The following PITPNM2 variants were observed in gnomAD, a reference collection of about 807,000 sequenced individuals.
PITPNM2 encodes the protein phosphatidylinositol transfer protein membrane associated 2.
Under a neutral mutation model 132.2 loss-of-function variants are expected in PITPNM2, and 35 were observed. The ratio of observed to expected loss-of-function variants is 0.26; its 90% CI spans 0.20 to 0.35. PITPNM2 has a LOEUF of 0.35. PITPNM2 is among the 10% of genes least tolerant of loss of function. The pLI is 1.00. For missense variants in PITPNM2, 1,332 were observed against 1,912.0 expected, an observed-to-expected ratio of 0.70 and a Z score of 5.66; for synonymous variants, 738 against 799.2, an observed-to-expected ratio of 0.92 and a Z score of 1.29.
intron 2 of PITPNM2, among the ~76,000 whole-genome samples, chr12:123,039,738 T>C (rs945072588): frequency 6.6e-6 from 1 of 152,188 alleles, no homozygotes; most frequent in African/African-American, 2.4e-5. Context: ...GCTCATTCAT[T>C]GTAACAAACA....
chr12:123,050,797 TC>T (rs1297009698), intron 2 of PITPNM2, among the ~76,000 whole-genome samples: 3 of 152,174 alleles, frequency 2.0e-5, no homozygotes, highest in African/African-American at 4.8e-5. Context: ...GCTATTAGCT[TC>T]CCTTCATCAT....
chr12:123,093,215 G>T (rs191734393), intron 2 of PITPNM2, among the ~76,000 whole-genome samples: 4 of 152,276 alleles, frequency 2.6e-5, no homozygotes, highest in African/African-American at 9.6e-5. Flanking sequence ...GGGGCTGGGG[G>T]TTTGGGGACA....
At chr12:123,081,105 G>A (rs12810157) in intron 2 of PITPNM2, 3,827 of 152,488 alleles carry the variant, frequency 0.025, 68 homozygotes, top group Middle Eastern at 0.061. Context: ...CCAGGCCCAG[G>A]CCTAGCTCCT....
rs536138040 is a variant in PITPNM2, at chr12:123,058,464, T to C, written c.-95-23779A>G. Among the ~76,000 whole-genome samples the C allele has an allele frequency of 4.6e-5, 7 of 152,354 alleles. No individual in the cohort carries two copies. The highest frequency in any genetic ancestry group is 2.1e-4 in the South Asian group (1 of 4,834). On this transcript the variant is annotated intron_variant, in intron 2 of 25. Coordinates refer to ENST00000320201, the MANE Select transcript of PITPNM2 (RefSeq NM_020845.3). This position sits in a 1 kb window ranked among gnomAD's most constrained non-coding sequence, Gnocchi z 4.0. Reference sequence around the variant, plus strand: ...AAACCATTAGAGGACATCTTCCCAATGCAGATGCAACCATGTTTGCCAGCT... The same window carrying C: ...AAACCATTAGAGGACATCTTCCCAACGCAGATGCAACCATGTTTGCCAGCT...
At chr12:123,014,121 C>T in intron 3 of PITPNM2, 79 bp from the exon 4 acceptor site, 1 of 1,494,880 alleles carries the variant, frequency 6.7e-7, no homozygotes, top group East Asian at 2.3e-5. Flanking sequence ...AGACTGGGCC[C>T]AGGGGTGTGG....
In PITPNM2 at chr12:123,034,552, G is replaced by C. The variant is rs149886764; in HGVS notation, c.39C>G (p.Thr13=). The C allele has an allele frequency of 2.5e-6, 4 of 1,613,832 alleles. No individual in the cohort carries two copies. In the African/African-American group the frequency reaches 5.3e-5, roughly 22 times the overall value. ...IKEYRIPLPM[T]VEEYRIAQLY... ...GCTGGGCGATGCGGTACTCCTCCAC[G>C]GTCATTGGCAGAGGAATCCGATATT... is the stretch of plus-strand genomic sequence containing the variant. Residue 13 remains threonine (T), a synonymous_variant, in exon 3 of 26, where the codon ACC becomes ACG. Coordinates refer to ENST00000320201, the MANE Select transcript of PITPNM2 (RefSeq NM_020845.3).
In PITPNM2 at chr12:122,994,751, C is replaced by A; in HGVS notation, c.2233+50G>T. ...CACAGGGGTCCACTGAGACCCCCGCCCCCGCACCCAGTGCATGTACCCCCC... is the reference window on the plus strand; with the variant it reads ...CACAGGGGTCCACTGAGACCCCCGCACCCGCACCCAGTGCATGTACCCCCC... On this transcript the variant is annotated intron_variant, in intron 15 of 25. Coordinates refer to ENST00000320201, the MANE Select transcript of PITPNM2 (RefSeq NM_020845.3). The surrounding 1 kb of genome is among the most constrained non-coding windows in gnomAD (Gnocchi z 5.4). 1.3e-6 allele frequency: 2 copies of A among 1,558,310 alleles called. No homozygotes were observed. The highest frequency in any genetic ancestry group is 2.3e-5 in the East Asian group (1 of 44,104).
chr12:123,128,510 T>G (rs1184281422), intron 1 of PITPNM2, among the ~76,000 whole-genome samples: 1 of 150,018 alleles, frequency 6.7e-6, no homozygotes, highest in Non-Finnish European at 1.5e-5. Flanking sequence ...TCTCAGCACT[T>G]TGGGAGGCTG....
chr12:123,130,415 C>G (rs1196403277), intron 1 of PITPNM2, among the ~76,000 whole-genome samples: 2 of 152,150 alleles, frequency 1.3e-5, no homozygotes, highest in Non-Finnish European at 2.9e-5. Context: ...AGGTTGGGGG[C>G]AGGGTCATTT....
intron 2 of PITPNM2, 33 bp from the exon 3 acceptor site, chr12:123,034,718 A>G: frequency 1.3e-6 from 1 of 764,870 alleles, no homozygotes; most frequent in Non-Finnish European, 2.2e-6. Flanking sequence ...CAGAACAGTC[A>G]CTTTCTGCAA....
intron 1 of PITPNM2, among the ~76,000 whole-genome samples, chr12:123,140,985 A>G (rs1424723976): frequency 2.0e-5 from 3 of 152,060 alleles, no homozygotes; most frequent in Non-Finnish European, 4.4e-5. Context: ...CCCCATACAA[A>G]CCCAAATTGA....
At chr12:123,127,695 T>C (rs1445296583) in intron 1 of PITPNM2, among the ~76,000 whole-genome samples, 2 of 151,222 alleles carry the variant, frequency 1.3e-5, no homozygotes, top group Non-Finnish European at 2.9e-5. Flanking sequence ...CGGCAACCTC[T>C]GCCTCCCGGG....
intron 14 of PITPNM2, 47 bp from the exon 15 acceptor site, chr12:122,995,026 T>C (rs1283732108): frequency 7.9e-6 from 12 of 1,514,102 alleles, no homozygotes; most frequent in Middle Eastern, 2.0e-4. Context: ...GCAGCTGCCA[T>C]CATCTGCCAC....
chr12:123,125,864 G>GTT (rs373787897), intron 1 of PITPNM2, among the ~76,000 whole-genome samples: 7,698 of 64,864 alleles, frequency 0.12, 712 homozygotes, highest in Non-Finnish European at 0.14. Flanking sequence ...AAAAATTAGG[G>GTT]TTTTTTTTTT....
chr12:123,070,094 G>A (rs1035608904), intron 2 of PITPNM2, among the ~76,000 whole-genome samples: 1 of 152,208 alleles, frequency 6.6e-6, no homozygotes, highest in African/African-American at 2.4e-5. Context: ...ACAGCCCAGG[G>A]ACAGACGAGT....
chr12:122,988,818 TCAGGGCAGTA>T lies in PITPNM2; in HGVS notation c.2776_2785del (p.Tyr926ThrfsTer30). On this transcript the variant is annotated frameshift_variant, in exon 19 of 26. Coordinates refer to ENST00000320201, the MANE Select transcript of PITPNM2 (RefSeq NM_020845.3). LOFTEE classifies it high-confidence loss of function. The stretch of plus-strand genomic sequence containing the variant: ...CACCGTGGGGAAGGCCGTGAGGGCG[TCAGGGCAGTA>T]CAGGGCGTAGTCGATCCGCTTCTGG... 1 of 1,585,452 alleles carries T rather than the reference TCAGGGCAGTA, an allele frequency of 6.3e-7. No homozygotes were observed. The highest frequency in any genetic ancestry group is 8.6e-7 in the Non-Finnish European group (1 of 1,166,066).
At chr12:123,127,625 T>C (rs2043168951) in intron 1 of PITPNM2, among the ~76,000 whole-genome samples, 1 of 151,232 alleles carries the variant, frequency 6.6e-6, no homozygotes, top group South Asian at 2.1e-4. Flanking sequence ...TTTTTTTTTT[T>C]TTGAGACGGA....
chr12:123,122,914 C>T (rs2043059881), intron 1 of PITPNM2, among the ~76,000 whole-genome samples: 1 of 152,214 alleles, frequency 6.6e-6, no homozygotes, highest in Non-Finnish European at 1.5e-5. Context: ...CTGCCTCGCA[C>T]TCACACATTG....
At chr12:123,012,809 C>T in intron 4 of PITPNM2, 75 bp from the exon 5 acceptor site, 1 of 1,573,234 alleles carries the variant, frequency 6.4e-7, no homozygotes. Context: ...CCTGTTGACC[C>T]ACTGGGTAGG....
Sources: gnomAD v4.1 joint callset for allele counts (sites outside exome capture counted in the v4.1 genomes callset) on GRCh38, gnomAD v4.1.1 for gene constraint, Gnocchi (gnomAD v3.1) non-coding constraint, MANE v1.5 for transcripts, NCBI Gene and HGNC (gene_info 2026-07-23, HGNC 2026-07-21) for gene names.